The following HFM1 variants were observed in gnomAD, a reference collection of about 807,000 sequenced individuals.
The protein encoded by HFM1 is helicase for meiosis 1, also known as probable ATP-dependent DNA helicase HFM1.
Under a neutral mutation model 192.1 loss-of-function variants are expected in HFM1, and 169 were observed. The ratio of observed to expected loss-of-function variants is 0.88; its 90% CI spans 0.78 to 1.00. HFM1 has a LOEUF of 1.00. Ranked by LOEUF, HFM1 falls within the 50% of genes least tolerant of loss-of-function variation. HFM1 has a pLI of 0.00. For missense variants in HFM1, 1,661 were observed against 1,668.0 expected (o/e 1.00, Z 0.07); for synonymous variants, 525 against 537.8 (o/e 0.98, Z 0.33).
intron 30 of HFM1, among the ~76,000 whole-genome samples, chr1:91,299,665 A>G (rs1366056988): frequency 6.6e-6 from 1 of 152,248 alleles, no homozygotes; most frequent in Non-Finnish European, 1.5e-5. Flanking sequence ...GAAACTGAAC[A>G]TCCTGCTCCT....
At position 91,385,235 on chromosome 1, in the gene HFM1, C is replaced by G. The variant is rs750496616; in HGVS notation, c.755-1G>C. On this transcript the variant is annotated splice_acceptor_variant, in intron 5 of 38. Transcript: ENST00000370425. LOFTEE classifies it high-confidence loss of function. ...GAACCTAAACCATTTTCTGTTACCTCTGAAAAAAAAATGCTACATATTTAT... is the reference window on the plus strand; with the variant it reads ...GAACCTAAACCATTTTCTGTTACCTGTGAAAAAAAAATGCTACATATTTAT... The G allele has an allele frequency of 2.0e-6, 3 of 1,531,158 alleles. No individual in the cohort carries two copies. The highest frequency in any genetic ancestry group is 2.7e-6 in the Non-Finnish European group (3 of 1,115,538). The allele number at this position is 1,531,158 out of a possible 1,614,324, so 94.8% of individuals were successfully genotyped here.
At chr1:91,361,979 G>A (rs781108331) in intron 13 of HFM1, among the ~76,000 whole-genome samples, 1 of 152,018 alleles carries the variant, frequency 6.6e-6, no homozygotes, top group Non-Finnish European at 1.5e-5. Context: ...AAAGGACTTC[G>A]ATACAATTCA....
Position 91,370,341 on chromosome 1 carries a change from A to G in HFM1, c.1685+5017T>C, listed in dbSNP as rs532614468. On this transcript the variant is annotated intron_variant, in intron 13 of 38. Coordinates refer to ENST00000370425, the MANE Select transcript of HFM1 (RefSeq NM_001017975.6). The stretch of plus-strand genomic sequence containing the variant: ...ATGAACATCGATGCAAAAATCCTCA[A>G]TAAAATACTGGCAAACCAAATCCAG... Among the ~76,000 whole-genome samples the G allele has an allele frequency of 1.1e-4, 16 of 152,338 alleles. No homozygotes were observed. The East Asian group carries it at 2.3e-3, about 22-fold the overall frequency.
intron 30 of HFM1, among the ~76,000 whole-genome samples, chr1:91,280,559 G>A (rs540945454): frequency 3.3e-5 from 5 of 152,292 alleles, no homozygotes; most frequent in Admixed American, 1.3e-4. Context: ...GCTATCAAAG[G>A]CCATTTCACA....
upstream of HFM1, among the ~76,000 whole-genome samples, chr1:91,405,814 A>G (rs1664777089): frequency 1.3e-5 from 2 of 152,262 alleles, no homozygotes; most frequent in South Asian, 2.1e-4. Context: ...TAAAATAACA[A>G]GTCTTTGTCT....
intron 13 of HFM1, among the ~76,000 whole-genome samples, chr1:91,360,092 C>T (rs999262784): frequency 2.0e-5 from 3 of 152,148 alleles, no homozygotes; most frequent in African/African-American, 7.2e-5. Flanking sequence ...GCCAGGCCTG[C>T]CTTGCAAGAG....
chr1:91,347,492 A>G lies in HFM1; in HGVS notation c.2207-16T>C. 1 of 1,571,114 alleles carries G rather than the reference A, an allele frequency of 6.4e-7. No individual in the cohort carries two copies. Among genetic ancestry groups the G allele is most frequent in the Non-Finnish European group, 8.7e-7 (1 of 1,153,346 alleles). ...GATGCAAAACCTGCATGTCATGAAAAAGTAAAATAGAATTTAGCTCATCTT... is the reference window on the plus strand; with the variant it reads ...GATGCAAAACCTGCATGTCATGAAAGAGTAAAATAGAATTTAGCTCATCTT... On this transcript the variant is annotated splice_polypyrimidine_tract_variant and intron_variant, in intron 18 of 38. Transcript: ENST00000370425.
chr1:91,355,432 G>GA (rs35918513), intron 13 of HFM1, among the ~76,000 whole-genome samples: 29,866 of 142,568 alleles, frequency 0.21, 3,567 homozygotes, highest in South Asian at 0.36. Flanking sequence ...ATTGATAGAA[G>GA]AAAAAAAAAA....
chr1:91,336,022 C>T (rs534202368), intron 20 of HFM1, among the ~76,000 whole-genome samples: 6 of 150,462 alleles, frequency 4.0e-5, no homozygotes, highest in Admixed American at 2.6e-4. Flanking sequence ...GGCTTTCTCT[C>T]TCCCATCCTC....
intron 34 of HFM1, among the ~76,000 whole-genome samples, chr1:91,270,662 TAA>T (rs1666205364): frequency 1.3e-5 from 2 of 150,448 alleles, no homozygotes; most frequent in Non-Finnish European, 3.0e-5. Context: ...GAGACCAACA[TAA>T]TGGTTTTACT....
At chr1:91,320,784 G>T (rs1412297499) in intron 23 of HFM1, among the ~76,000 whole-genome samples, 1 of 152,088 alleles carries the variant, frequency 6.6e-6, no homozygotes, top group Admixed American at 6.5e-5. Flanking sequence ...CCCTGAGCTT[G>T]TCCTCAGTAA....
Position 91,385,115 on chromosome 1 carries a change from CAATT to C in HFM1, c.802+68_802+71del, listed in dbSNP as rs1267887287. On this transcript the variant is annotated intron_variant, in intron 6 of 38. Transcript: ENST00000370425. ...CTCCATCAACCAAAATAAACAAACA[CAATT>C]AAACAAATGTTTTAAAATTATGATT... 29 of 937,428 alleles carry C rather than the reference CAATT, an allele frequency of 3.1e-5. No homozygotes were observed. The East Asian group carries it at 5.1e-4, about 16-fold the overall frequency. 58.1% of individuals were successfully genotyped at this position (937,428 alleles called of 1,614,324 possible). A position where few individuals can be genotyped will look rare whatever the true frequency, so the allele number is the denominator to read the frequency against.
At position 91,276,621 on chromosome 1, in the gene HFM1, A is replaced by T. The variant is rs781555280; in HGVS notation, c.3588+7T>A. The T allele has an allele frequency of 1.3e-5, 18 of 1,368,114 alleles. No homozygotes were observed. In the South Asian group the frequency reaches 2.3e-4, roughly 18 times the overall value. The allele number at this position is 1,368,114 out of a possible 1,614,324, so 84.7% of individuals were successfully genotyped here. On this transcript the variant is annotated splice_region_variant and intron_variant, in intron 32 of 38. Coordinates refer to ENST00000370425, the MANE Select transcript of HFM1 (RefSeq NM_001017975.6). ...AGAACAATGGGAAAAATGTTATTAA[A>T]ACTAACCTTCAGACGTTTAACTGGA...
At chr1:91,393,652 T>G (rs917567439) in intron 4 of HFM1, among the ~76,000 whole-genome samples, 2 of 152,158 alleles carry the variant, frequency 1.3e-5, no homozygotes, top group Non-Finnish European at 2.9e-5. Flanking sequence ...TCTAGACTAA[T>G]AAGATAACCT....
intron 13 of HFM1, among the ~76,000 whole-genome samples, chr1:91,363,707 A>G (rs931570436): frequency 6.6e-6 from 1 of 152,200 alleles, no homozygotes; most frequent in East Asian, 1.9e-4. Context: ...AGGAATATAA[A>G]TTATTATTTT....
At chr1:91,350,939 A>G in intron 17 of HFM1, 68 bp from the exon 18 acceptor site, 2 of 1,197,570 alleles carry the variant, frequency 1.7e-6, no homozygotes, top group Non-Finnish European at 2.3e-6. Context: ...TTTAACTTTA[A>G]TAATATAGAA....
chr1:91,353,933 AAAAACCAACC>A (rs1657352456), intron 13 of HFM1, among the ~76,000 whole-genome samples: 9 of 151,232 alleles, frequency 6.0e-5, no homozygotes, highest in Middle Eastern at 3.4e-3. Flanking sequence ...GAAAAAAAAA[AAAAACCAACC>A]AAAAAACCAG....
intron 20 of HFM1, among the ~76,000 whole-genome samples, chr1:91,332,777 A>G (rs1189159546): frequency 6.6e-6 from 1 of 152,228 alleles, no homozygotes; most frequent in African/African-American, 2.4e-5. Context: ...ATCCAGTTGA[A>G]AAATGGGCAA....
chr1:91,294,432 T>C (rs1379706419), intron 30 of HFM1, among the ~76,000 whole-genome samples: 1 of 152,200 alleles, frequency 6.6e-6, no homozygotes, highest in East Asian at 1.9e-4. Context: ...GTGATATTCA[T>C]TCATATTGTT....
Sources: allele counts gnomAD v4.1 joint callset (sites outside exome capture counted in the v4.1 genomes callset), GRCh38; gene constraint gnomAD v4.1.1; transcripts MANE v1.5; gene names NCBI Gene and HGNC (gene_info 2026-07-23, HGNC 2026-07-21).